Variants in STXBP3 observed in about 807,000 individuals in gnomAD.
The protein encoded by STXBP3 is syntaxin-binding protein 3.
Under a neutral mutation model 85.7 loss-of-function variants are expected in STXBP3, and 41 were observed. That is an observed-to-expected ratio of 0.48 (90% CI 0.37 to 0.62). The LOEUF is 0.62. STXBP3 is among the 20% of genes least tolerant of loss of function. STXBP3 has a pLI of 0.00. For synonymous variants in STXBP3, 229 were observed against 231.7 expected (o/e 0.99, Z 0.10); for missense variants, 563 against 703.1 (o/e 0.80, Z 2.25).
At chr1:108,783,764 T>G (rs978818532) in intron 11 of STXBP3, among the ~76,000 whole-genome samples, 1 of 152,246 alleles carries the variant, frequency 6.6e-6, no homozygotes, top group Non-Finnish European at 1.5e-5. Flanking sequence ...TTCAACTGAT[T>G]TACATCCCCA....
In STXBP3 at chr1:108,808,823, T is replaced by C. The variant is rs1388055627; in HGVS notation, c.1725T>C (p.Asp575=). The change falls in exon 19 of 19, where the codon GAT becomes GAC. Residue 575 remains aspartate, a synonymous_variant. Transcript: ENST00000370008. ...HVLTPKKLLD[D]IKMLNKPKDK... Reference sequence around the variant, plus strand: ...TAACACCCAAAAAGCTGTTGGATGATATAAAGATGCTGAATAAACCCAAGG... The same window carrying C: ...TAACACCCAAAAAGCTGTTGGATGACATAAAGATGCTGAATAAACCCAAGG... The C allele has an allele frequency of 1.2e-6, 2 of 1,613,050 alleles. No homozygotes were observed. Among genetic ancestry groups the C allele is most frequent in the Non-Finnish European group, 1.7e-6 (2 of 1,179,722 alleles).
At chr1:108,752,959 A>G (rs1427798462) in intron 2 of STXBP3, 104 bp from the exon 3 acceptor site, 1 of 792,050 alleles carries the variant, frequency 1.3e-6, no homozygotes, top group Non-Finnish European at 1.9e-6. Context: ...CTGTTCTGAT[A>G]TTTTGTGTTA....
chr1:108,752,603 C>T (rs1661927863), intron 2 of STXBP3, among the ~76,000 whole-genome samples: 1 of 152,178 alleles, frequency 6.6e-6, no homozygotes, highest in Non-Finnish European at 1.5e-5. Flanking sequence ...ATACTAACTT[C>T]ACCACTTAAT....
At chr1:108,773,526 T>G (rs1269255768) in intron 7 of STXBP3, among the ~76,000 whole-genome samples, 3 of 152,202 alleles carry the variant, frequency 2.0e-5, no homozygotes, top group Non-Finnish European at 2.9e-5. Flanking sequence ...TAAGAAAGAT[T>G]AATAAAAACA....
intron 17 of STXBP3, among the ~76,000 whole-genome samples, chr1:108,802,880 A>T (rs1663260809): frequency 6.6e-6 from 1 of 152,150 alleles, no homozygotes; most frequent in African/African-American, 2.4e-5. Flanking sequence ...TGTTTCTGTC[A>T]CATTATGTTT....
At chr1:108,779,227 A>G in intron 8 of STXBP3, 59 bp from the exon 9 acceptor site, 1 of 1,550,164 alleles carries the variant, frequency 6.5e-7, no homozygotes, top group Non-Finnish European at 8.7e-7. Flanking sequence ...AAGATATTAA[A>G]ACTATGTTCA....
chr1:108,792,258 C>T (rs1227385599), intron 11 of STXBP3, among the ~76,000 whole-genome samples: 1 of 152,144 alleles, frequency 6.6e-6, no homozygotes. Flanking sequence ...CCATCTTTTC[C>T]TCTGTTTCCA....
At chr1:108,797,097 A>G (rs1428305583) in intron 15 of STXBP3, among the ~76,000 whole-genome samples, 1 of 152,038 alleles carries the variant, frequency 6.6e-6, no homozygotes, top group Non-Finnish European at 1.5e-5. Context: ...TCACACCTGT[A>G]ATCCCAACAC....
At chr1:108,803,169 G>A (rs952512466) in intron 17 of STXBP3, among the ~76,000 whole-genome samples, 1 of 151,796 alleles carries the variant, frequency 6.6e-6, no homozygotes, top group Non-Finnish European at 1.5e-5. Flanking sequence ...TTTTATTCTT[G>A]TAGCAGTTTA....
intron 3 of STXBP3, 189 bp downstream of exon 3, chr1:108,753,333 TTA>T (rs145002027): frequency 0.7 from 272,056 of 388,184 alleles, 99,814 homozygotes; most frequent in Non-Finnish European, 0.77. Flanking sequence ...AGACATATAA[TTA>T]AGACCTCTAA....
At chr1:108,782,604 G>T in intron 10 of STXBP3, 45 bp from the exon 11 acceptor site, 3 of 1,598,086 alleles carry the variant, frequency 1.9e-6, no homozygotes, top group Non-Finnish European at 1.7e-6. Context: ...GTTCTGTAAA[G>T]AATTACATCT....
chr1:108,804,105 T>C (rs1345928706), intron 17 of STXBP3, among the ~76,000 whole-genome samples: 2 of 152,224 alleles, frequency 1.3e-5, no homozygotes, highest in Non-Finnish European at 2.9e-5. Flanking sequence ...TCTGAGGATT[T>C]ACATCTTTCA....
At chr1:108,802,369 C>T (rs1331108997) in intron 17 of STXBP3, among the ~76,000 whole-genome samples, 1 of 152,130 alleles carries the variant, frequency 6.6e-6, no homozygotes, top group African/African-American at 2.4e-5. Context: ...TGCACTCCAG[C>T]CTAGGTGACA....
At chr1:108,758,983 T>A (rs1337413785) in intron 5 of STXBP3, 1 of 152,434 alleles carries the variant, frequency 6.6e-6, no homozygotes, top group East Asian at 1.9e-4. Flanking sequence ...AACAAAGACC[T>A]TTTGAGAGGG....
chr1:108,778,668 A>G (rs1662641244), intron 8 of STXBP3, among the ~76,000 whole-genome samples: 2 of 119,408 alleles, frequency 1.7e-5, no homozygotes, highest in African/African-American at 6.7e-5. Context: ...TTAGAGCTCA[A>G]ATAGTAGCTA....
chr1:108,781,693 A>G (rs1008053997), intron 9 of STXBP3, among the ~76,000 whole-genome samples: 1 of 152,138 alleles, frequency 6.6e-6, no homozygotes, highest in Non-Finnish European at 1.5e-5. Context: ...TTAATAGGTT[A>G]TATTGGGGAG....
intron 16 of STXBP3, among the ~76,000 whole-genome samples, chr1:108,799,336 GTTTT>G (rs1226963538): frequency 6.6e-6 from 1 of 152,038 alleles, no homozygotes; most frequent in East Asian, 1.9e-4. Flanking sequence ...CTTATGGCTA[GTTTT>G]TTGTTTTTTT....
intron 4 of STXBP3, 89 bp downstream of exon 4, chr1:108,756,855 C>A: frequency 1.1e-6 from 1 of 947,518 alleles, no homozygotes; most frequent in Non-Finnish European, 1.5e-6. Flanking sequence ...TAATAAAGTA[C>A]ACTTTAGTAG....
At chr1:108,794,696 C>G (rs891137567) in intron 12 of STXBP3, 131 bp from the exon 13 acceptor site, 12 of 693,414 alleles carry the variant, frequency 1.7e-5, no homozygotes, top group Non-Finnish European at 2.7e-5. Context: ...TTGAGCTGTT[C>G]CCTTGCTTAC....
Sources: allele counts gnomAD v4.1 joint callset (sites outside exome capture counted in the v4.1 genomes callset), GRCh38; gene constraint gnomAD v4.1.1; transcripts MANE v1.5; gene names NCBI Gene and HGNC (gene_info 2026-07-23, HGNC 2026-07-21).